TRHDE: variants seen among roughly 807,000 people sequenced by gnomAD.
TRHDE encodes thyrotropin releasing hormone degrading enzyme.
Under a neutral mutation model 125.7 loss-of-function variants are expected in TRHDE, and 72 were observed. The ratio of observed to expected loss-of-function variants is 0.57; its 90% confidence interval spans 0.47 to 0.70. The LOEUF (loss-of-function observed/expected upper bound fraction) is 0.70, where lower values mean the gene tolerates loss of function less well. Among genes scored for constraint, TRHDE ranks in the 30% least tolerant of loss-of-function variants. The pLI, the probability that TRHDE is intolerant of heterozygous loss-of-function variation, is 0.00. For synonymous variants in TRHDE, 509 were observed against 509.1 expected (o/e 1.00, Z 0.00); for missense variants, 1,110 against 1,327.1 (o/e 0.84, Z 2.54).
At chr12:72,303,002 C>T (rs1021419772) in intron 2 of TRHDE, among the ~76,000 whole-genome samples, 5 of 152,094 alleles carry the variant, frequency 3.3e-5, no homozygotes, top group African/African-American at 1.2e-4. Flanking sequence ...GGCAAAATCA[C>T]CCCGTTGAGA....
chr12:72,457,158 A>G lies in TRHDE; in HGVS notation c.1316-12600A>G, dbSNP rs146022943. On this transcript the variant is annotated intron_variant, in intron 3 of 18. Coordinates refer to ENST00000261180, the MANE Select transcript of TRHDE (RefSeq NM_013381.3). ...AATGACTTGATGGTATTTCGAACGG[A>G]AAGTCTATAGGTTTGGAATATAAAA... 2.6e-4 allele frequency among the ~76,000 whole-genome samples: 39 copies of G among 152,230 alleles called. No homozygotes were observed. The East Asian group carries it at 7.5e-3, about 29-fold the overall frequency.
intron 3 of TRHDE, among the ~76,000 whole-genome samples, chr12:72,445,481 C>A (rs993386920): frequency 1.3e-5 from 2 of 151,924 alleles, no homozygotes; most frequent in African/African-American, 4.8e-5. Context: ...TACCTCATAG[C>A]TGGATATTCT....
chr12:72,224,138 CTATT>C (rs1443696004), intron 2 of TRHDE, among the ~76,000 whole-genome samples: 4,671 of 52,712 alleles, frequency 0.089, 95 homozygotes, highest in Middle Eastern at 0.12. Context: ...ATCTATCTAT[CTATT>C]TATCTATGTA....
chr12:72,461,966 A>G (rs1414539442), intron 3 of TRHDE, among the ~76,000 whole-genome samples: 1 of 152,200 alleles, frequency 6.6e-6, no homozygotes, highest in African/African-American at 2.4e-5. Flanking sequence ...TCTTCACAGC[A>G]ACTTGCAAAG....
intron 2 of TRHDE, among the ~76,000 whole-genome samples, chr12:72,208,990 T>A (rs1338235005): frequency 6.6e-6 from 1 of 152,150 alleles, no homozygotes; most frequent in Non-Finnish European, 1.5e-5. Context: ...ATCCCTGCCT[T>A]TCTGCGGCTC....
intron 2 of TRHDE, among the ~76,000 whole-genome samples, chr12:72,150,351 G>C (rs1466344565): frequency 6.6e-6 from 1 of 151,836 alleles, no homozygotes; most frequent in Admixed American, 6.6e-5. Flanking sequence ...CACTGATTTG[G>C]GATGACCTGG....
Position 72,272,609 on chromosome 12 carries a change from CCAGAGGGGGCGG to C in TRHDE, c.-34_-23del. 8 of 856,678 alleles carry C rather than the reference CCAGAGGGGGCGG, an allele frequency of 9.3e-6. No individual in the cohort carries two copies. The highest frequency in any genetic ancestry group is 1.4e-5 in the Non-Finnish European group (8 of 585,112). The allele number at this position is 856,678 out of a possible 1,614,324, so 53.1% of individuals were successfully genotyped here. A position where few individuals can be genotyped will look rare whatever the true frequency, so the allele number is the denominator to read the frequency against. ...CCGGGTGGCCCGCCCGCGGGGGGTG[CCAGAGGGGGCGG>C]GGGAGGAGGAGGAGGCGGTGTGATG... is the stretch of plus-strand genomic sequence containing the variant. On this transcript the variant is annotated 5_prime_UTR_variant, in exon 1 of 19. Transcript: ENST00000261180. This position sits in a 1 kb window ranked among gnomAD's most constrained non-coding sequence, Gnocchi z 6.7.
chr12:72,267,986 ATGT>A (rs1879105408), upstream of TRHDE, among the ~76,000 whole-genome samples: 1 of 152,140 alleles, frequency 6.6e-6, no homozygotes, highest in Non-Finnish European at 1.5e-5. Context: ...AGTGGGTCAA[ATGT>A]TGTAAAATTT....
At chr12:72,397,955 G>A (rs1872869863) in intron 3 of TRHDE, among the ~76,000 whole-genome samples, 1 of 150,698 alleles carries the variant, frequency 6.6e-6, no homozygotes, top group African/African-American at 2.4e-5. Context: ...CTAGCATTAG[G>A]TATATCTCCC....
At position 72,238,308 on chromosome 12, in the gene TRHDE, A is replaced by G. The variant is rs1211353455; in HGVS notation, n.279+132556A>G. 1.1e-4 allele frequency among the ~76,000 whole-genome samples: 4 copies of G among 34,880 alleles called. No homozygotes were observed. The East Asian group carries it at 2.0e-3, about 17-fold the overall frequency. 22.9% of individuals were successfully genotyped at this position (34,880 alleles called of 152,430 possible). Reference sequence around the variant, plus strand: ...TATATATATATATATATATATATATATATATATATATATACATATATATAT... The same window carrying G: ...TATATATATATATATATATATATATGTATATATATATATACATATATATAT... On this transcript the variant is annotated intron_variant and non_coding_transcript_variant, in intron 2 of 4. Transcript: ENST00000548156.
chr12:72,452,286 A>G (rs1463931523), intron 3 of TRHDE, among the ~76,000 whole-genome samples: 1 of 152,042 alleles, frequency 6.6e-6, no homozygotes, highest in Non-Finnish European at 1.5e-5. Context: ...TCTGTATATT[A>G]ATTTTGTATC....
chr12:72,436,931 A>G (rs1255355574), intron 3 of TRHDE, among the ~76,000 whole-genome samples: 1 of 151,852 alleles, frequency 6.6e-6, no homozygotes, highest in African/African-American at 2.4e-5. Context: ...TTAAATTTAT[A>G]TTCATATCTG....
intron 12 of TRHDE, among the ~76,000 whole-genome samples, chr12:72,583,991 C>T (rs555846119): frequency 2.8e-5 from 2 of 71,056 alleles, no homozygotes; most frequent in Non-Finnish European, 2.0e-5. Context: ...AGTGCAGTGG[C>T]GCAATCTCGG....
chr12:72,550,618 T>G (rs927580264), intron 7 of TRHDE, among the ~76,000 whole-genome samples: 1 of 151,922 alleles, frequency 6.6e-6, no homozygotes, highest in African/African-American at 2.4e-5. Flanking sequence ...GACGTAGGGG[T>G]ACCATAATAT....
chr12:72,593,250 TA>T (rs1236757625), intron 12 of TRHDE, among the ~76,000 whole-genome samples: 4 of 152,180 alleles, frequency 2.6e-5, no homozygotes, highest in African/African-American at 9.7e-5. Flanking sequence ...AGCCCCAGTC[TA>T]AAAGGGAAAC....
chr12:72,159,434 C>T (rs780737643), intron 2 of TRHDE, among the ~76,000 whole-genome samples: 9 of 152,136 alleles, frequency 5.9e-5, no homozygotes, highest in Non-Finnish European at 1.0e-4. Context: ...AACTAGGCAG[C>T]GATGAAGCTA....
chr12:72,224,130 CTATCTATCTATTTATCTATGTATGTATG>C (rs1216996021), intron 2 of TRHDE, among the ~76,000 whole-genome samples: 1,130 of 80,756 alleles, frequency 0.014, 7 homozygotes, highest in African/African-American at 0.022. Context: ...ATCTATCTAT[CTATCTATCTATTTATCTATGTATGTATG>C]TATGTATGTA....
chr12:72,403,098 C>G (rs1873115110), intron 3 of TRHDE, among the ~76,000 whole-genome samples: 1 of 152,114 alleles, frequency 6.6e-6, no homozygotes, highest in Non-Finnish European at 1.5e-5. Flanking sequence ...TATAATAACC[C>G]CCAACACACT....
intron 2 of TRHDE, among the ~76,000 whole-genome samples, chr12:72,158,329 AT>A (rs1044427650): frequency 6.6e-6 from 1 of 151,556 alleles, no homozygotes; most frequent in African/African-American, 2.4e-5. Context: ...TAAAAGTGAA[AT>A]TATATGTATA....
Sources: allele counts gnomAD v4.1 joint callset (sites outside exome capture counted in the v4.1 genomes callset), GRCh38; gene constraint gnomAD v4.1.1; non-coding constraint Gnocchi (gnomAD v3.1); transcripts MANE v1.5; gene names NCBI Gene and HGNC (gene_info 2026-07-23, HGNC 2026-07-21).